The following PRKRIP1 variants were observed in gnomAD, a reference collection of about 807,000 sequenced individuals.
The protein encoded by PRKRIP1 is PRKR interacting protein 1, also known as PRKR-interacting protein 1.
A neutral mutation model predicts 29.3 loss-of-function variants in PRKRIP1; 29 were observed. The ratio of observed to expected loss-of-function variants is 0.99; its 90% CI spans 0.74 to 1.35. The LOEUF is 1.35. Ranked by LOEUF, PRKRIP1 falls within the 40% of genes most tolerant of loss-of-function variation. The pLI, the probability that PRKRIP1 is intolerant of heterozygous loss-of-function variation, is 0.00. For missense variants in PRKRIP1, 247 were observed against 236.8 expected (o/e 1.04, Z -0.28); for synonymous variants, 90 against 85.1 (o/e 1.06, Z -0.32).
intron 5 of PRKRIP1, chr7:102,423,519 T>A: frequency 4.5e-6 from 1 of 220,856 alleles, no homozygotes; most frequent in Admixed American, 5.3e-5. Context: ...GAGCAGCAAG[T>A]TCCTCCACCT....
At chr7:102,423,969 T>C (rs1796772039) in intron 5 of PRKRIP1, among the ~76,000 whole-genome samples, 1 of 152,246 alleles carries the variant, frequency 6.6e-6, no homozygotes, top group Admixed American at 6.5e-5. Context: ...GCTTCCCCGT[T>C]TGAACTTTCA....
chr7:102,419,783 A>G (rs1456094865), intron 5 of PRKRIP1, among the ~76,000 whole-genome samples: 2 of 151,472 alleles, frequency 1.3e-5, no homozygotes, highest in Non-Finnish European at 2.9e-5. Context: ...GTTGTATCCA[A>G]GTTTTGGTGA....
At chr7:102,418,498 T>G (rs1353699200) in intron 5 of PRKRIP1, among the ~76,000 whole-genome samples, 1 of 152,208 alleles carries the variant, frequency 6.6e-6, no homozygotes, top group East Asian at 1.9e-4. Context: ...CCAGTATATA[T>G]GTACATATCT....
At chr7:102,413,235 C>T (rs1796439648) in intron 5 of PRKRIP1, among the ~76,000 whole-genome samples, 1 of 152,152 alleles carries the variant, frequency 6.6e-6, no homozygotes, top group Admixed American at 6.6e-5. Context: ...CAGATGCACC[C>T]CAGTGGGGGA....
In PRKRIP1 at chr7:102,413,676, GT is replaced by G. The variant is rs566392135; in HGVS notation, c.457+6184del. 7.9e-3 allele frequency among the ~76,000 whole-genome samples: 1,206 copies of G among 152,216 alleles called. 19 individuals carry two copies. The highest frequency in any genetic ancestry group is 0.027 in the African/African-American group (1,132 of 41,538). On this transcript the variant is annotated intron_variant, in intron 5 of 5. Coordinates refer to ENST00000397912, the MANE Select transcript of PRKRIP1 (RefSeq NM_024653.4). ...CTTTAATATAATTTCTTTGATTTCA[GT>G]TTTTTAATATATAAGCCTTATTTCT...
chr7:102,414,237 GA>G (rs144655156), intron 5 of PRKRIP1, among the ~76,000 whole-genome samples: 1 of 149,926 alleles, frequency 6.7e-6, no homozygotes, highest in African/African-American at 2.5e-5. Context: ...AAAAAAGAAA[GA>G]AAAAAAAAGA....
intron 5 of PRKRIP1, among the ~76,000 whole-genome samples, chr7:102,422,448 A>G (rs1006123104): frequency 6.6e-6 from 1 of 151,798 alleles, no homozygotes; most frequent in South Asian, 2.1e-4. Flanking sequence ...GGTTCAAGCA[A>G]TTCTTCTGCC....
At chr7:102,424,805 C>T (rs946474876) in intron 5 of PRKRIP1, among the ~76,000 whole-genome samples, 4 of 151,960 alleles carry the variant, frequency 2.6e-5, no homozygotes, top group Non-Finnish European at 4.4e-5. Context: ...GGGGTGCACC[C>T]GTGAGAGCAG....
rs1796803063 is a variant in PRKRIP1, at chr7:102,425,238, C to A, written c.*127C>A. 1.3e-6 allele frequency: 2 copies of A among 1,515,764 alleles called. No homozygotes were observed. Among genetic ancestry groups the A allele is most frequent in the Non-Finnish European group, 1.8e-6 (2 of 1,137,250 alleles). 93.9% of individuals were successfully genotyped at this position (1,515,764 alleles called of 1,614,324 possible). ...GCTGGATGGAGAGCAAAGGAGACCC[C>A]TCCCGAGCCGCTCACAGTCCTGTAT... On this transcript the variant is annotated 3_prime_UTR_variant, in exon 6 of 6. Transcript: ENST00000397912.
At chr7:102,404,929 A>ATTT (rs551196590) in intron 4 of PRKRIP1, among the ~76,000 whole-genome samples, 1 of 142,636 alleles carries the variant, frequency 7.0e-6, no homozygotes, top group African/African-American at 2.6e-5. Context: ...TCAGGTCTGT[A>ATTT]TTTTTTTTTT....
intron 1 of PRKRIP1, among the ~76,000 whole-genome samples, chr7:102,396,846 G>A (rs1320403272): frequency 5.9e-5 from 9 of 152,136 alleles, no homozygotes; most frequent in African/African-American, 1.9e-4. Context: ...TAGAATTTGT[G>A]GGTTAGCAAA....
rs782011635 is a variant in PRKRIP1, at chr7:102,399,737, G to T, written c.306+89G>T. On this transcript the variant is annotated intron_variant, in intron 3 of 5. Transcript: ENST00000397912. ...AAAAAAGCATTTGAAGAGGCTGGGC[G>T]TGGTGGCTCAGGCCTGTAATCCCAG... 5.6e-6 allele frequency: 6 copies of T among 1,068,596 alleles called. No individual in the cohort carries two copies. In the African/African-American group the frequency reaches 6.2e-5, roughly 11 times the overall value. The allele number at this position is 1,068,596 out of a possible 1,614,324, so 66.2% of individuals were successfully genotyped here.
At chr7:102,418,143 G>A (rs1003250163) in intron 5 of PRKRIP1, among the ~76,000 whole-genome samples, 12 of 151,336 alleles carry the variant, frequency 7.9e-5, no homozygotes, top group African/African-American at 2.2e-4. Flanking sequence ...TCCGCCTCCC[G>A]GGTTCAAGCA....
At chr7:102,413,508 T>C (rs1554572740) in intron 5 of PRKRIP1, among the ~76,000 whole-genome samples, 1 of 152,174 alleles carries the variant, frequency 6.6e-6, no homozygotes, top group African/African-American at 2.4e-5. Context: ...ATGCCTGTAC[T>C]CCCAACACTT....
At chr7:102,420,910 C>T (rs925832119) in intron 5 of PRKRIP1, among the ~76,000 whole-genome samples, 1 of 152,150 alleles carries the variant, frequency 6.6e-6, no homozygotes, top group Admixed American at 6.6e-5. Context: ...TGCAATACAA[C>T]CTTTCCACAT....
intron 5 of PRKRIP1, among the ~76,000 whole-genome samples, chr7:102,408,111 C>A (rs1272181619): frequency 6.6e-6 from 1 of 152,110 alleles, no homozygotes; most frequent in Non-Finnish European, 1.5e-5. Flanking sequence ...CCGCACGTTC[C>A]CTGGCCTTTA....
intron 5 of PRKRIP1, among the ~76,000 whole-genome samples, chr7:102,414,005 A>G (rs546122948): frequency 3.3e-4 from 50 of 152,320 alleles, no homozygotes; most frequent in African/African-American, 1.2e-3. Context: ...AGGCGGACAG[A>G]TCACATGAGG....
chr7:102,397,239 T>G (rs1486572173), intron 1 of PRKRIP1, among the ~76,000 whole-genome samples: 1 of 152,178 alleles, frequency 6.6e-6, no homozygotes, highest in East Asian at 1.9e-4. Flanking sequence ...TTAAAATTCT[T>G]TGGTCTTAAG....
rs1030686378 is a variant in PRKRIP1, at chr7:102,425,480, G to A, written c.*369G>A. On this transcript the variant is annotated 3_prime_UTR_variant, in exon 6 of 6. Coordinates refer to ENST00000397912, the MANE Select transcript of PRKRIP1 (RefSeq NM_024653.4). ...TGTTGGGACATGTGGACCGTGAGTC[G>A]CAAACACTCTGGAGAAGGCTGAGAT... 5 of 310,260 alleles carry A rather than the reference G, an allele frequency of 1.6e-5. No individual in the cohort carries two copies. Among genetic ancestry groups the A allele is most frequent in the Non-Finnish European group, 2.5e-5 (4 of 162,294 alleles). 19.2% of individuals were successfully genotyped at this position (310,260 alleles called of 1,614,324 possible).
Sources: gnomAD v4.1 joint callset for allele counts (sites outside exome capture counted in the v4.1 genomes callset) on GRCh38, gnomAD v4.1.1 for gene constraint, MANE v1.5 for transcripts, NCBI Gene and HGNC (gene_info 2026-07-23, HGNC 2026-07-21) for gene names.